The following HHAT variants were observed in gnomAD, a reference collection of about 807,000 sequenced individuals.
HHAT encodes hedgehog acyltransferase, also known as protein-cysteine N-palmitoyltransferase HHAT.
HHAT carries 47 observed loss-of-function variants against 70.8 expected under a neutral mutation model. The ratio of observed to expected loss-of-function variants is 0.66; its 90% CI spans 0.53 to 0.85. The LOEUF (loss-of-function observed/expected upper bound fraction) is 0.85, where lower values mean the gene tolerates loss of function less well. HHAT is among the 40% of genes least tolerant of loss of function. HHAT has a pLI of 0.00. For synonymous variants in HHAT, 228 were observed against 247.6 expected (o/e 0.92, Z 0.74); for missense variants, 609 against 604.8 (o/e 1.01, Z -0.07).
intron 4 of HHAT, among the ~76,000 whole-genome samples, chr1:210,395,829 G>A (rs1328856219): frequency 1.3e-5 from 2 of 152,106 alleles, no homozygotes; most frequent in Non-Finnish European, 2.9e-5. Flanking sequence ...CAAGACTTGG[G>A]AAAGCATATC....
rs1229398619 is a variant in HHAT, at chr1:210,366,092, G to C, written c.159+3173G>C. On this transcript the variant is annotated intron_variant, in intron 3 of 11. Coordinates refer to ENST00000261458, the MANE Select transcript of HHAT (RefSeq NM_018194.6). ...ACTACAGACATGCACCACCATACCT[G>C]GCTGATTTTTAATATTTTGTAGAGA... Among the ~76,000 whole-genome samples the C allele has an allele frequency of 2.0e-5, 3 of 151,946 alleles. No homozygotes were observed. In the East Asian group the frequency reaches 5.8e-4, roughly 29 times the overall value.
chr1:210,575,500 C>A (rs1573446880), intron 9 of HHAT, among the ~76,000 whole-genome samples: 1 of 152,252 alleles, frequency 6.6e-6, no homozygotes, highest in East Asian at 1.9e-4. Flanking sequence ...AGACCTGGGC[C>A]TGGGAGCCCT....
At chr1:210,349,254 A>G (rs937756495) in intron 2 of HHAT, among the ~76,000 whole-genome samples, 188 bp downstream of exon 2, 2 of 152,146 alleles carry the variant, frequency 1.3e-5, no homozygotes, top group African/African-American at 4.8e-5. Flanking sequence ...CCCTAAACCT[A>G]GGTCTTTTAG....
intron 4 of HHAT, among the ~76,000 whole-genome samples, chr1:210,395,915 G>A (rs1427331605): frequency 1.3e-5 from 2 of 152,158 alleles, no homozygotes; most frequent in Non-Finnish European, 2.9e-5. Flanking sequence ...CGTGATATAT[G>A]CTAGGCACTG....
At position 210,329,050 on chromosome 1, in the gene HHAT, G is replaced by A; in HGVS notation, c.-98G>A. 7.0e-7 allele frequency: 1 copy of A among 1,432,314 alleles called. No individual in the cohort carries two copies. The highest frequency in any genetic ancestry group is 9.1e-7 in the Non-Finnish European group (1 of 1,094,918). 88.7% of individuals were successfully genotyped at this position (1,432,314 alleles called of 1,614,324 possible). A position where few individuals can be genotyped will look rare whatever the true frequency, so the allele number is the denominator to read the frequency against. ...CGGAAGTGCCGAAAGAGGGGTGTTG[G>A]GAACTCGCGGCGCGCGTGAACGTTG... On this transcript the variant is annotated 5_prime_UTR_variant, in exon 1 of 12. Transcript: ENST00000261458.
chr1:210,519,944 A>G (rs1225385669), intron 9 of HHAT, among the ~76,000 whole-genome samples: 2 of 150,170 alleles, frequency 1.3e-5, no homozygotes, highest in Admixed American at 6.7e-5. Flanking sequence ...ATCTTTTCAT[A>G]TACCTGTTGG....
At chr1:210,479,001 GT>G (rs57720966) in intron 8 of HHAT, among the ~76,000 whole-genome samples, 25,466 of 152,058 alleles carry the variant, frequency 0.17, 2,344 homozygotes, top group East Asian at 0.42. Context: ...TCTCTTGGCT[GT>G]TGTACTCTGA....
chr1:210,465,827 G>A (rs908060133), intron 8 of HHAT, among the ~76,000 whole-genome samples: 1 of 152,130 alleles, frequency 6.6e-6, no homozygotes, highest in Non-Finnish European at 1.5e-5. Flanking sequence ...TTTGCTTCTT[G>A]GAGTAAGAAA....
intron 10 of HHAT, among the ~76,000 whole-genome samples, chr1:210,599,012 C>T (rs892252830): frequency 2.0e-5 from 3 of 152,064 alleles, no homozygotes; most frequent in African/African-American, 7.2e-5. Flanking sequence ...GAGAGCTGAA[C>T]ATTCACGCAA....
At chr1:210,440,438 C>T (rs2093479185) in intron 7 of HHAT, among the ~76,000 whole-genome samples, 1 of 151,666 alleles carries the variant, frequency 6.6e-6, no homozygotes, top group South Asian at 2.1e-4. Context: ...CCATGGCAAT[C>T]AGTCCTTGGA....
chr1:210,464,439 T>C, intron 7 of HHAT, 66 bp from the exon 8 acceptor site: 1 of 1,541,310 alleles, frequency 6.5e-7, no homozygotes, highest in Non-Finnish European at 9.0e-7. Flanking sequence ...TCCTGGGGTG[T>C]TGGTCTCCTC....
At chr1:210,560,946 C>A (rs1427477303) in intron 9 of HHAT, among the ~76,000 whole-genome samples, 2 of 150,398 alleles carry the variant, frequency 1.3e-5, no homozygotes, top group Non-Finnish European at 2.9e-5. Context: ...GCTGCACTGA[C>A]CATGGAGAGT....
chr1:210,664,871 AC>A (rs1236902999), intron 11 of HHAT, among the ~76,000 whole-genome samples: 1 of 152,172 alleles, frequency 6.6e-6, no homozygotes, highest in Non-Finnish European at 1.5e-5. Context: ...TCTGATGCAC[AC>A]CAGCTGAGTG....
intron 3 of HHAT, among the ~76,000 whole-genome samples, chr1:210,373,633 G>A (rs1218946336): frequency 1.3e-5 from 2 of 152,148 alleles, no homozygotes; most frequent in African/African-American, 4.8e-5. Context: ...GCAAAGCTCA[G>A]GTCAAATTCT....
chr1:210,607,102 G>GT (rs1195493716), intron 10 of HHAT, among the ~76,000 whole-genome samples: 18 of 151,982 alleles, frequency 1.2e-4, no homozygotes, highest in African/African-American at 3.4e-4. Context: ...TAATCTTCCT[G>GT]TTTTTTTCTT....
At chr1:210,414,308 T>A (rs1042200430) in intron 6 of HHAT, among the ~76,000 whole-genome samples, 1 of 152,076 alleles carries the variant, frequency 6.6e-6, no homozygotes, top group Non-Finnish European at 1.5e-5. Context: ...TACCGTCTCT[T>A]TGGGGGTTAG....
chr1:210,461,289 G>A (rs1246117411), intron 7 of HHAT, among the ~76,000 whole-genome samples: 1 of 152,132 alleles, frequency 6.6e-6, no homozygotes, highest in Non-Finnish European at 1.5e-5. Context: ...AAAGAAGAAT[G>A]AGCCATGCAT....
intron 10 of HHAT, among the ~76,000 whole-genome samples, chr1:210,599,535 G>A (rs1663770909): frequency 6.6e-6 from 1 of 152,038 alleles, no homozygotes; most frequent in Admixed American, 6.6e-5. Context: ...GCTACTCAAG[G>A]CTAAAGCCAT....
rs542153260 is a variant in HHAT at position 210,657,833 on chromosome 1, C to T, written c.1391-16455C>T. 1.3e-4 allele frequency among the ~76,000 whole-genome samples: 20 copies of T among 152,318 alleles called. No homozygotes were observed. In the South Asian group the frequency reaches 2.7e-3, roughly 20 times the overall value. On this transcript the variant is annotated intron_variant, in intron 11 of 11. Transcript: ENST00000261458. ...CCAGTGTGCGCCAGATGCCTCTTCT[C>T]CCAGGCACTTCCACAAGTGTAGAGG...
Sources: gnomAD v4.1 joint callset for allele counts (sites outside exome capture counted in the v4.1 genomes callset) on GRCh38, gnomAD v4.1.1 for gene constraint, MANE v1.5 for transcripts, NCBI Gene and HGNC (gene_info 2026-07-23, HGNC 2026-07-21) for gene names.